PCSK5: variants seen among roughly 807,000 people sequenced by gnomAD.
PCSK5 encodes proprotein convertase subtilisin/kexin type 5.
PCSK5 carries 129 observed loss-of-function variants against 233.2 expected under a neutral mutation model. The observed-to-expected ratio is 0.55, with a 90% CI of 0.48 to 0.64. The LOEUF (loss-of-function observed/expected upper bound fraction) is 0.64, where lower values mean the gene tolerates loss of function less well. Among genes scored for constraint, PCSK5 ranks in the 30% least tolerant of loss-of-function variants. PCSK5 has a pLI of 0.00. For missense variants in PCSK5, 2,076 were observed against 2,430.1 expected (o/e 0.85, Z 3.06); for synonymous variants, 825 against 879.2 (o/e 0.94, Z 1.09).
chr9:76,138,022 G>C (rs891734507), intron 10 of PCSK5, among the ~76,000 whole-genome samples: 2 of 151,984 alleles, frequency 1.3e-5, no homozygotes, highest in Non-Finnish European at 2.9e-5. Context: ...ATTCCAGCTG[G>C]TTTTCCTTCC....
Position 76,205,294 on chromosome 9 carries a change from C to T in PCSK5, c.2626+15548C>T, listed in dbSNP as rs143489628. The T allele has an allele frequency of 2.9e-4, 152 of 518,126 alleles. 3 individuals are homozygous for T. Among genetic ancestry groups the T allele is most frequent in the Admixed American group, 2.7e-3 (137 of 51,548 alleles). 32.1% of individuals were successfully genotyped at this position (518,126 alleles called of 1,614,324 possible). On this transcript the variant is annotated intron_variant, in intron 20 of 37. Coordinates refer to ENST00000674117, the MANE Select transcript of PCSK5 (RefSeq NM_001372043.1). ...GATCCAGAGCTGGAGAATGAAGACC[C>T]GCCTATGCTGTTCCCACACAGAACA...
At chr9:76,340,289 G>A (rs1224154022) in intron 35 of PCSK5, among the ~76,000 whole-genome samples, 1 of 152,086 alleles carries the variant, frequency 6.6e-6, no homozygotes, top group Non-Finnish European at 1.5e-5. Context: ...TTCACTGAAT[G>A]AATGACTGTA....
intron 5 of PCSK5, among the ~76,000 whole-genome samples, chr9:76,047,171 A>G (rs986169199): frequency 6.9e-6 from 1 of 145,302 alleles, no homozygotes; most frequent in Admixed American, 6.9e-5. Context: ...ATCTCGGCTC[A>G]CTGCAAGCTC....
At chr9:76,080,634 A>G (rs944900238) in intron 7 of PCSK5, among the ~76,000 whole-genome samples, 3 of 152,228 alleles carry the variant, frequency 2.0e-5, no homozygotes, top group African/African-American at 7.2e-5. Context: ...CAGACCCTGG[A>G]TTTGGAAATA....
At chr9:76,283,307 G>A (rs761859121) in intron 24 of PCSK5, among the ~76,000 whole-genome samples, 3 of 152,114 alleles carry the variant, frequency 2.0e-5, no homozygotes, top group Admixed American at 2.0e-4. Context: ...GTCAATCAAC[G>A]TGGTAAACTT....
chr9:76,255,759 C>T (rs994324362), intron 24 of PCSK5, among the ~76,000 whole-genome samples: 7 of 152,128 alleles, frequency 4.6e-5, no homozygotes, highest in South Asian at 2.1e-4. Flanking sequence ...TGGTTGATCC[C>T]GGGAGGCTGA....
At chr9:76,351,006 G>A in intron 36 of PCSK5, 78 bp downstream of exon 36, 1 of 744,998 alleles carries the variant, frequency 1.3e-6, no homozygotes, top group Non-Finnish European at 2.3e-6. Flanking sequence ...TGTCATTCTG[G>A]GCAATCAAAA....
chr9:76,127,250 A>G (rs542632135), intron 9 of PCSK5, among the ~76,000 whole-genome samples: 1 of 152,312 alleles, frequency 6.6e-6, no homozygotes, highest in East Asian at 1.9e-4. Flanking sequence ...ACTATGTAGA[A>G]AAGTATCAAA....
chr9:76,063,201 CA>C (rs1193410867), intron 5 of PCSK5, among the ~76,000 whole-genome samples: 5 of 151,226 alleles, frequency 3.3e-5, no homozygotes, highest in African/African-American at 1.2e-4. Flanking sequence ...GTGGCATGAT[CA>C]TGGTTCACTG....
intron 24 of PCSK5, among the ~76,000 whole-genome samples, chr9:76,274,626 CT>C (rs1176925415): frequency 8.6e-5 from 13 of 151,922 alleles, no homozygotes; most frequent in Non-Finnish European, 1.8e-4. Flanking sequence ...CTGAATTTTC[CT>C]TTTGAGATGT....
At position 76,158,990 on chromosome 9, in the gene PCSK5, C is replaced by G. The variant is rs762158563; in HGVS notation, c.1438C>G (p.Arg480Gly). The change falls in exon 12 of 38, where the codon CGC becomes GGC. Residue 480 changes from arginine (R) to glycine (G), a missense_variant. Around this residue, in one of 6 missense-constraint regions of PCSK5, gnomAD observed 64 missense variants for 68.6 expected, o/e 0.93. Coordinates refer to ENST00000674117, the MANE Select transcript of PCSK5 (RefSeq NM_001372043.1). ...ESTDRQIKTI[R>G]PNSAVRSIYK... is the part of the protein sequence containing the mutation. ...CATCTCTCTCTGTTACAGGACAATC[C>G]GCCCTAACAGTGCAGTGCGCTCCAT... is the stretch of plus-strand genomic sequence containing the variant. 5 of 1,613,382 alleles carry G rather than the reference C, an allele frequency of 3.1e-6. No homozygotes were observed.
intron 24 of PCSK5, among the ~76,000 whole-genome samples, chr9:76,279,782 T>A (rs1157857184): frequency 6.6e-6 from 1 of 151,792 alleles, no homozygotes; most frequent in Non-Finnish European, 1.5e-5. Flanking sequence ...CTTGTAAATT[T>A]GTTTGAGTTC....
chr9:76,185,258 T>C (rs980774832), intron 17 of PCSK5, among the ~76,000 whole-genome samples: 4 of 152,200 alleles, frequency 2.6e-5, no homozygotes, highest in African/African-American at 9.6e-5. Context: ...GGAGATGTTT[T>C]CCTTGAATGG....
At chr9:76,035,606 T>TGA (rs201001571) in intron 5 of PCSK5, among the ~76,000 whole-genome samples, 15,226 of 152,198 alleles carry the variant, frequency 0.1, 1,014 homozygotes, top group Non-Finnish European at 0.14. Flanking sequence ...TTAAATTTCT[T>TGA]ATTTAAGAAA....
chr9:75,891,531 GCACACACACACA>G (rs34768107), intron 1 of PCSK5, among the ~76,000 whole-genome samples, 158 bp downstream of exon 1: 37 of 148,794 alleles, frequency 2.5e-4, no homozygotes, highest in Middle Eastern at 3.5e-3. Flanking sequence ...GCGCGCGTAC[GCACACACACACA>G]CACACACACA....
intron 2 of PCSK5, among the ~76,000 whole-genome samples, chr9:75,946,355 T>C (rs1563929803): frequency 6.6e-6 from 1 of 152,224 alleles, no homozygotes; most frequent in Non-Finnish European, 1.5e-5. Context: ...TCAGCTTTAC[T>C]ACTAGCTCAG....
At chr9:76,158,229 T>G (rs1037600092) in intron 11 of PCSK5, among the ~76,000 whole-genome samples, 3 of 152,110 alleles carry the variant, frequency 2.0e-5, no homozygotes, top group Non-Finnish European at 4.4e-5. Flanking sequence ...AAATAAGAGA[T>G]AGGGGACATA....
intron 5 of PCSK5, among the ~76,000 whole-genome samples, chr9:76,045,261 A>G (rs1829324551): frequency 6.6e-6 from 1 of 152,226 alleles, no homozygotes; most frequent in African/African-American, 2.4e-5. Context: ...CCACACAGAC[A>G]TCTCTGTGTG....
At chr9:76,344,329 A>G (rs1181949551) in intron 35 of PCSK5, among the ~76,000 whole-genome samples, 2 of 66,084 alleles carry the variant, frequency 3.0e-5, no homozygotes, top group East Asian at 5.7e-4. Context: ...ATGCCTCTCC[A>G]TGCTCCCCTC....
Sources: gnomAD v4.1 joint callset for allele counts (sites outside exome capture counted in the v4.1 genomes callset) on GRCh38, gnomAD v4.1.1 for gene constraint, gnomAD v4.1.1 regional missense constraint, MANE v1.5 for transcripts, NCBI Gene and HGNC (gene_info 2026-07-23, HGNC 2026-07-21) for gene names.